DGKZ: variants seen among roughly 807,000 people sequenced by gnomAD.
DGKZ encodes DAG kinase zeta.
In DGKZ, 45 loss-of-function variants were observed where a neutral mutation model predicts 142.5. That is an observed-to-expected ratio of 0.32 (90% confidence interval 0.25 to 0.40). DGKZ has a LOEUF of 0.40. DGKZ is among the 10% of genes least tolerant of loss of function. The probability of loss-of-function intolerance (pLI) is 1.00; values close to 1 mark genes in which losing one functional copy is unlikely to be tolerated. For missense variants in DGKZ, 755 were observed against 1,306.5 expected, an observed-to-expected ratio of 0.58 and a Z score of 6.51; for synonymous variants, 442 against 527.0, an observed-to-expected ratio of 0.84 and a Z score of 2.21.
exon 1 of DGKZ, chr11:46,333,152 A>T (rs940492019): frequency 2.4e-6 from 2 of 823,272 alleles, no homozygotes; most frequent in South Asian, 5.9e-5. Flanking sequence ...GTCGCTAGGG[A>T]CCTGCGGAAC....
chr11:46,359,923 C>A (rs111597736), intron 1 of DGKZ, among the ~76,000 whole-genome samples: 1 of 152,008 alleles, frequency 6.6e-6, no homozygotes, highest in Non-Finnish European at 1.5e-5. Context: ...CGGCCTGATA[C>A]GGTTTTAGAT....
At position 46,376,055 on chromosome 11, in the gene DGKZ, C is replaced by T. The variant is rs368214072; in HGVS notation, c.2012-11C>T. The T allele has an allele frequency of 2.5e-6, 4 of 1,612,190 alleles. No individual in the cohort carries two copies. The highest frequency in any genetic ancestry group is 3.4e-6 in the Non-Finnish European group (4 of 1,179,940). On this transcript the variant is annotated splice_polypyrimidine_tract_variant and intron_variant, in intron 21 of 30. Transcript: ENST00000527911. ...GTGCAGCCAGCTGCTGACAGGTGCT[C>T]TGTTCTCCAGCTGTGCCGCTGGGCA...
intron 1 of DGKZ, among the ~76,000 whole-genome samples, chr11:46,353,951 G>A (rs1941706010): frequency 6.6e-6 from 1 of 152,204 alleles, no homozygotes; most frequent in African/African-American, 2.4e-5. Flanking sequence ...CCCTTCCCCA[G>A]CTTGCTGACA....
rs1264350108 is a variant in DGKZ at position 46,367,545 on chromosome 11, C to T, written c.271-107C>T. On this transcript the variant is annotated intron_variant, in intron 2 of 30. Transcript: ENST00000527911. The surrounding 1 kb of genome is among the most constrained non-coding windows in gnomAD (Gnocchi z 4.1). ...GCAGACGGAACAGAGCAGGGTCGAT[C>T]GGGGCGCTGGAGTGGGTTTGTCTTG... The T allele has an allele frequency of 1.8e-5, 14 of 791,372 alleles. No individual in the cohort carries two copies. Among genetic ancestry groups the T allele is most frequent in the South Asian group, 2.2e-5 (1 of 45,598 alleles). 49.0% of individuals were successfully genotyped at this position (791,372 alleles called of 1,614,324 possible). A position where few individuals can be genotyped will look rare whatever the true frequency, so the allele number is the denominator to read the frequency against.
chr11:46,347,888 T>G lies in DGKZ; in HGVS notation c.161+68T>G. 1 of 1,263,480 alleles carries G rather than the reference T, an allele frequency of 7.9e-7. No homozygotes were observed. Among genetic ancestry groups the G allele is most frequent in the East Asian group, 3.2e-5 (1 of 31,300 alleles). The allele number at this position is 1,263,480 out of a possible 1,614,324, so 78.3% of individuals were successfully genotyped here. The stretch of plus-strand genomic sequence containing the variant: ...GTTACCGCTCCCTCACCGGGGGACA[T>G]TCCTCGGCCACTGGGGGTCCGGGCC... On this transcript the variant is annotated intron_variant, in intron 1 of 30. Transcript: ENST00000527911. The surrounding 1 kb of genome is among the most constrained non-coding windows in gnomAD (Gnocchi z 6.4).
chr11:46,375,753 A>G (rs1944454937), intron 20 of DGKZ, 98 bp from the exon 21 acceptor site: 38 of 1,508,636 alleles, frequency 2.5e-5, no homozygotes, highest in Non-Finnish European at 3.4e-5. Context: ...TTGGGAGTGG[A>G]GCGGGACCTT....
At chr11:46,377,905 C>T in intron 25 of DGKZ, 1 of 509,076 alleles carries the variant, frequency 2.0e-6, no homozygotes, top group Non-Finnish European at 3.5e-6. Context: ...CCAGGACCCC[C>T]TCTGCAGGGG....
intron 19 of DGKZ, 101 bp downstream of exon 19, chr11:46,375,146 C>T (rs1944396831): frequency 2.7e-6 from 3 of 1,117,024 alleles, no homozygotes; most frequent in African/African-American, 1.6e-5. Flanking sequence ...AGTTCACCCT[C>T]ACCTCCCTTC....
intron 1 of DGKZ, among the ~76,000 whole-genome samples, chr11:46,363,311 A>G (rs1395213608): frequency 6.6e-6 from 1 of 152,184 alleles, no homozygotes; most frequent in Non-Finnish European, 1.5e-5. Context: ...GCACGGAGGC[A>G]TGGGTGCCCA....
At chr11:46,333,292 G>A in exon 1 of DGKZ, 1 of 1,267,306 alleles carries the variant, frequency 7.9e-7, no homozygotes, top group Non-Finnish European at 9.9e-7. Flanking sequence ...GAGGGGCAGG[G>A]CGGCGGAGGG....
chr11:46,357,585 TC>T (rs1207306308), intron 1 of DGKZ, among the ~76,000 whole-genome samples: 1 of 152,258 alleles, frequency 6.6e-6, no homozygotes, highest in Non-Finnish European at 1.5e-5. Context: ...AATTCCCTGT[TC>T]TTTCCTCCTG....
chr11:46,352,531 C>T (rs1303304687), intron 1 of DGKZ, among the ~76,000 whole-genome samples: 1 of 152,212 alleles, frequency 6.6e-6, no homozygotes, highest in African/African-American at 2.4e-5. Context: ...GGCCTTGACT[C>T]AGCCAAGTTC....
exon 17 of DGKZ, chr11:46,374,636 C>G: frequency 6.3e-7 from 1 of 1,581,278 alleles, no homozygotes; most frequent in Non-Finnish European, 8.6e-7. Flanking sequence ...TGGGCAGCTC[C>G]AAGGACCTGG....
At chr11:46,349,681 G>A (rs1590407885) in intron 1 of DGKZ, among the ~76,000 whole-genome samples, 6 of 152,292 alleles carry the variant, frequency 3.9e-5, no homozygotes, top group Admixed American at 3.9e-4. Context: ...GATTATAGGT[G>A]TGAGCCACCA....
At position 46,379,202 on chromosome 11, in the gene DGKZ, G is replaced by A; in HGVS notation, c.2540-1G>A. ...TCTGACCACCACCTCCCCTTCTCCA[G>A]CCCCCCCAGAGATCCTTGATGCGGT... On this transcript the variant is annotated splice_acceptor_variant, in intron 28 of 30. Coordinates refer to ENST00000527911, the Ensembl canonical transcript of DGKZ. LOFTEE classifies it high-confidence loss of function. 6.2e-7 allele frequency: 1 copy of A among 1,612,926 alleles called. No homozygotes were observed. Among genetic ancestry groups the A allele is most frequent in the Non-Finnish European group, 8.5e-7 (1 of 1,179,908 alleles).
intron 1 of DGKZ, among the ~76,000 whole-genome samples, chr11:46,357,100 T>C (rs1450461566): frequency 6.6e-6 from 1 of 152,054 alleles, no homozygotes; most frequent in African/African-American, 2.4e-5. Context: ...ACTAAAGGAA[T>C]GGGTTGGTCA....
At chr11:46,340,430 A>T (rs1307225156) in intron 1 of DGKZ, among the ~76,000 whole-genome samples, 1 of 152,172 alleles carries the variant, frequency 6.6e-6, no homozygotes, top group African/African-American at 2.4e-5. Context: ...GACCCAGACT[A>T]AGGGGAGAGC....
chr11:46,360,459 G>A (rs1447126322), intron 1 of DGKZ, among the ~76,000 whole-genome samples: 1 of 151,246 alleles, frequency 6.6e-6, no homozygotes, highest in African/African-American at 2.4e-5. Context: ...CCCAGGGAGG[G>A]CGTGGAAGCT....
intron 1 of DGKZ, chr11:46,361,777 G>C (rs1942681195): frequency 1.5e-6 from 1 of 685,988 alleles, no homozygotes; most frequent in Non-Finnish European, 1.8e-6. Context: ...TGGGTGCGGG[G>C]AGGGTTGGAT....
Sources: allele counts gnomAD v4.1 joint callset (sites outside exome capture counted in the v4.1 genomes callset), GRCh38; gene constraint gnomAD v4.1.1; non-coding constraint Gnocchi (gnomAD v3.1); transcripts MANE v1.5; gene names NCBI Gene and HGNC (gene_info 2026-07-23, HGNC 2026-07-21).